The following BICC1 variants were observed in gnomAD, a reference collection of about 807,000 sequenced individuals.
The protein encoded by BICC1 is BicC family RNA binding protein 1, also known as protein bicaudal C homolog 1.
In BICC1, 43 loss-of-function variants were observed where a neutral mutation model predicts 111.0. The ratio of observed to expected loss-of-function variants is 0.39; its 90% confidence interval spans 0.30 to 0.50. BICC1 has a LOEUF of 0.50. Ranked by LOEUF, BICC1 falls within the 20% of genes least tolerant of loss-of-function variation. The pLI, the probability that BICC1 is intolerant of heterozygous loss-of-function variation, is 0.88. For missense variants in BICC1, 1,091 were observed against 1,203.2 expected, an observed-to-expected ratio of 0.91 and a Z score of 1.38; for synonymous variants, 467 against 434.4, an observed-to-expected ratio of 1.07 and a Z score of -0.93.
At chr10:58,623,489 G>A (rs1414738845) in intron 2 of BICC1, among the ~76,000 whole-genome samples, 1 of 152,064 alleles carries the variant, frequency 6.6e-6, no homozygotes, top group African/African-American at 2.4e-5. Context: ...CACAATAAAG[G>A]ATAAAATGTA....
chr10:58,812,448 C>A (rs1843938715), intron 17 of BICC1, among the ~76,000 whole-genome samples: 1 of 151,890 alleles, frequency 6.6e-6, no homozygotes. Context: ...CCGACTGGCA[C>A]CTCTGTGATT....
At chr10:58,723,776 G>GCT (rs1841013200) in intron 3 of BICC1, among the ~76,000 whole-genome samples, 1 of 152,150 alleles carries the variant, frequency 6.6e-6, no homozygotes, top group South Asian at 2.1e-4. Flanking sequence ...AGCCACAGAA[G>GCT]GAATGATAGC....
intron 2 of BICC1, among the ~76,000 whole-genome samples, chr10:58,682,261 C>G (rs950357812): frequency 1.1e-4 from 16 of 152,126 alleles, no homozygotes; most frequent in Admixed American, 6.6e-4. Context: ...TTAATCCAGT[C>G]TATCATTGAT....
chr10:58,702,191 A>T, intron 3 of BICC1, 48 bp downstream of exon 3: 3 of 1,446,352 alleles, frequency 2.1e-6, no homozygotes, highest in Non-Finnish European at 2.9e-6. Context: ...AACTGAGATT[A>T]TGGAATTACT....
rs1244911415 is a variant in BICC1, at chr10:58,685,368, A to T, written c.238-16706A>T. On this transcript the variant is annotated intron_variant, in intron 2 of 20. Coordinates refer to ENST00000373886, the MANE Select transcript of BICC1 (RefSeq NM_001080512.3). Reference sequence around the variant, plus strand: ...GTTGATTGGGGGTGGAGAGCTCTGTAGATGTCTATTAGGTCCGCTTGGTGC... The same window carrying T: ...GTTGATTGGGGGTGGAGAGCTCTGTTGATGTCTATTAGGTCCGCTTGGTGC... 2.0e-5 allele frequency among the ~76,000 whole-genome samples: 3 copies of T among 152,216 alleles called. No homozygotes were observed. In the East Asian group the frequency reaches 5.8e-4, roughly 29 times the overall value.
intron 2 of BICC1, among the ~76,000 whole-genome samples, chr10:58,636,668 A>G (rs1257380065): frequency 6.6e-6 from 1 of 152,274 alleles, no homozygotes; most frequent in East Asian, 1.9e-4. Context: ...AATGTAACAA[A>G]TAAGAGATGT....
intron 1 of BICC1, among the ~76,000 whole-genome samples, chr10:58,565,026 A>G (rs1366744166): frequency 6.6e-6 from 1 of 152,162 alleles, no homozygotes. Context: ...GCCATCAGAG[A>G]AACTTTTATT....
chr10:58,575,683 T>C (rs1844092201), intron 1 of BICC1, among the ~76,000 whole-genome samples: 1 of 151,868 alleles, frequency 6.6e-6, no homozygotes, highest in Non-Finnish European at 1.5e-5. Flanking sequence ...TTCAGCCTCC[T>C]AGGCAGCTGA....
intron 1 of BICC1, among the ~76,000 whole-genome samples, chr10:58,533,736 A>G (rs1842744398): frequency 6.6e-6 from 1 of 151,820 alleles, no homozygotes; most frequent in Non-Finnish European, 1.5e-5. Flanking sequence ...ACATGAAAGG[A>G]TATGGAAATA....
intron 13 of BICC1, among the ~76,000 whole-genome samples, 178 bp downstream of exon 13, chr10:58,800,504 A>G (rs1047817643): frequency 6.6e-6 from 1 of 152,230 alleles, no homozygotes; most frequent in African/African-American, 2.4e-5. Flanking sequence ...GTGAAAGATT[A>G]ACTGAAAAGC....
intron 3 of BICC1, among the ~76,000 whole-genome samples, chr10:58,704,741 T>A (rs578146882): frequency 6.6e-6 from 1 of 152,294 alleles, no homozygotes; most frequent in East Asian, 1.9e-4. Flanking sequence ...CTAAATCCCA[T>A]GGTGATGTGA....
At chr10:58,743,528 A>G (rs1841737193) in intron 3 of BICC1, among the ~76,000 whole-genome samples, 1 of 151,610 alleles carries the variant, frequency 6.6e-6, no homozygotes. Context: ...GAAAAGATGA[A>G]GTTAGTTGAA....
At chr10:58,825,719 CACCTGAGCAATTAA>C (rs1303684898) in intron 20 of BICC1, among the ~76,000 whole-genome samples, 1 of 152,136 alleles carries the variant, frequency 6.6e-6, no homozygotes, top group Non-Finnish European at 1.5e-5. Context: ...CACTAATTTC[CACCTGAGCAATTAA>C]TCTCTCCAGT....
At chr10:58,800,440 C>A in intron 13 of BICC1, 114 bp downstream of exon 13, 2 of 970,240 alleles carry the variant, frequency 2.1e-6, no homozygotes, top group Admixed American at 3.0e-5. Flanking sequence ...TATCATTCAT[C>A]CTACCTCAAT....
chr10:58,781,632 A>G (rs1259599983), intron 3 of BICC1, among the ~76,000 whole-genome samples: 3 of 152,146 alleles, frequency 2.0e-5, no homozygotes, highest in African/African-American at 7.2e-5. Flanking sequence ...ATGTTTATTA[A>G]TGTGGTTAAT....
At chr10:58,828,732 T>C in intron 20 of BICC1, 29 bp from the exon 21 acceptor site, 1 of 1,609,312 alleles carries the variant, frequency 6.2e-7, no homozygotes. Context: ...TCTCTTGAGC[T>C]CCTAACAATT....
intron 1 of BICC1, among the ~76,000 whole-genome samples, chr10:58,607,967 T>G (rs902765955): frequency 6.6e-6 from 1 of 152,170 alleles, no homozygotes; most frequent in African/African-American, 2.4e-5. Flanking sequence ...CATGGTAATG[T>G]ATGGGACTTG....
chr10:58,525,403 C>A (rs76277845), intron 1 of BICC1, among the ~76,000 whole-genome samples: 29 of 83,942 alleles, frequency 3.5e-4, no homozygotes, highest in East Asian at 2.1e-3. Flanking sequence ...ATGAGTTCAT[C>A]TCCTTGGTAG....
intron 2 of BICC1, among the ~76,000 whole-genome samples, chr10:58,638,800 G>T (rs1023278945): frequency 7.2e-5 from 11 of 152,112 alleles, no homozygotes; most frequent in African/African-American, 2.7e-4. Context: ...CAAAGGAGGG[G>T]TAGAACTAAG....
Sources: allele counts gnomAD v4.1 joint callset (sites outside exome capture counted in the v4.1 genomes callset), GRCh38; gene constraint gnomAD v4.1.1; transcripts MANE v1.5; gene names NCBI Gene and HGNC (gene_info 2026-07-23, HGNC 2026-07-21).